The following CDKL4 variants were observed in gnomAD, a reference collection of about 807,000 sequenced individuals.
CDKL4 encodes the protein cyclin-dependent kinase-like 4.
A neutral mutation model predicts 42.0 loss-of-function variants in CDKL4; 44 were observed. The ratio of observed to expected loss-of-function variants is 1.05; its 90% CI spans 0.82 to 1.35. The LOEUF is 1.35. Ranked by LOEUF, CDKL4 falls within the 40% of genes most tolerant of loss-of-function variation. CDKL4 has a pLI of 0.00. For synonymous variants in CDKL4, 120 were observed against 121.6 expected (o/e 0.99, Z 0.09); for missense variants, 393 against 369.9 (o/e 1.06, Z -0.51).
At chr2:39,225,061 C>T (rs1466956510) in intron 3 of CDKL4, among the ~76,000 whole-genome samples, 1 of 152,110 alleles carries the variant, frequency 6.6e-6, no homozygotes, top group Non-Finnish European at 1.5e-5. Flanking sequence ...AGCTGACATC[C>T]TTGTCTTGTT....
the CDKL4 span, among the ~76,000 whole-genome samples, chr2:39,168,817 C>T: frequency 1.3e-5 from 2 of 150,136 alleles, no homozygotes; most frequent in Admixed American, 6.6e-5. Context: ...AGTGCAGTGG[C>T]GCAATCTCAG....
chr2:39,222,920 A>G (rs1443073197), intron 3 of CDKL4, among the ~76,000 whole-genome samples: 1 of 152,192 alleles, frequency 6.6e-6, no homozygotes, highest in African/African-American at 2.4e-5. Flanking sequence ...AGTGCAGGAT[A>G]AAGTTTAACT....
At chr2:39,212,187 T>C (rs1047913978) in intron 4 of CDKL4, among the ~76,000 whole-genome samples, 28 of 152,106 alleles carry the variant, frequency 1.8e-4, no homozygotes, top group African/African-American at 5.6e-4. Flanking sequence ...CCTTGTGATT[T>C]TGATGCATGC....
At chr2:39,206,678 T>A (rs985718140) in intron 4 of CDKL4, among the ~76,000 whole-genome samples, 1 of 152,216 alleles carries the variant, frequency 6.6e-6, no homozygotes, top group East Asian at 1.9e-4. Context: ...CACAGGGAAC[T>A]CTGTACTTTT....
upstream of CDKL4, among the ~76,000 whole-genome samples, chr2:39,244,025 G>A (rs1014759649): frequency 6.6e-6 from 1 of 152,224 alleles, no homozygotes; most frequent in African/African-American, 2.4e-5. Flanking sequence ...GGAACGCTAG[G>A]GCGCGCGGGG....
At chr2:39,242,252 C>T (rs1265932167) in intron 1 of CDKL4, among the ~76,000 whole-genome samples, 1 of 151,990 alleles carries the variant, frequency 6.6e-6, no homozygotes, top group Admixed American at 6.6e-5. Context: ...CATTATGTGG[C>T]CTAGGCTGAT....
At chr2:39,198,979 C>A (rs1185308981) in intron 5 of CDKL4, among the ~76,000 whole-genome samples, 1 of 151,804 alleles carries the variant, frequency 6.6e-6, no homozygotes, top group African/African-American at 2.4e-5. Flanking sequence ...AAAGAAATAA[C>A]CAAGATCAGA....
intron 6 of CDKL4, among the ~76,000 whole-genome samples, chr2:39,188,386 C>A (rs1031875431): frequency 2.0e-5 from 3 of 151,740 alleles, no homozygotes; most frequent in Non-Finnish European, 2.9e-5. Flanking sequence ...CATGGTGAAA[C>A]CCCGTCTCTA....
chr2:39,181,422 A>G (rs1019258747), intron 8 of CDKL4, among the ~76,000 whole-genome samples: 5 of 152,048 alleles, frequency 3.3e-5, no homozygotes, highest in African/African-American at 1.2e-4. Context: ...TTTACCAGAG[A>G]TTTCCACATC....
chr2:39,227,612 C>G (rs1452433519), intron 2 of CDKL4, among the ~76,000 whole-genome samples: 1 of 152,158 alleles, frequency 6.6e-6, no homozygotes, highest in Non-Finnish European at 1.5e-5. Flanking sequence ...AATTTGTTTT[C>G]TATGTGCTCC....
chr2:39,201,585 A>T lies in CDKL4; in HGVS notation c.454+2942T>A, dbSNP rs572822795. On this transcript the variant is annotated intron_variant, in intron 5 of 9. Coordinates refer to ENST00000451199, the Ensembl canonical transcript of CDKL4. ...AACCAGCCCAAATGTCCATCAATCA[A>T]CAAGTAGATAAAGAAAATGTGGTAT... Among the ~76,000 whole-genome samples the T allele has an allele frequency of 3.4e-4, 52 of 152,314 alleles. 1 individual carries two copies. The highest frequency in any genetic ancestry group is 1.2e-3 in the African/African-American group (49 of 41,558).
intron 6 of CDKL4, among the ~76,000 whole-genome samples, chr2:39,188,399 A>G (rs1358896795): frequency 1.3e-5 from 2 of 151,702 alleles, no homozygotes; most frequent in Non-Finnish European, 2.9e-5. Context: ...CGTCTCTACT[A>G]AAAATACAAA....
intron 2 of CDKL4, among the ~76,000 whole-genome samples, 158 bp downstream of exon 2, chr2:39,229,207 C>T (rs1390958036): frequency 6.6e-6 from 1 of 152,106 alleles, no homozygotes; most frequent in East Asian, 1.9e-4. Flanking sequence ...ATCAGAGTGG[C>T]CGAAGTCCAA....
intron 9 of CDKL4, among the ~76,000 whole-genome samples, chr2:39,177,104 C>T (rs901655564): frequency 6.6e-6 from 1 of 152,176 alleles, no homozygotes; most frequent in Non-Finnish European, 1.5e-5. Context: ...TCTCTAGGTG[C>T]ATGCTGCCCT....
chr2:39,181,669 C>T (rs1675445570), intron 8 of CDKL4, among the ~76,000 whole-genome samples: 1 of 152,160 alleles, frequency 6.6e-6, no homozygotes, highest in Non-Finnish European at 1.5e-5. Context: ...AACCCAATTA[C>T]AGTTGGTTTC....
chr2:39,240,618 G>A (rs1679613363), intron 1 of CDKL4, among the ~76,000 whole-genome samples: 1 of 148,256 alleles, frequency 6.7e-6, no homozygotes, highest in Admixed American at 6.8e-5. Flanking sequence ...GATTATCCAT[G>A]CAACGAAATA....
chr2:39,176,381 G>C (rs539133343), intron 9 of CDKL4, among the ~76,000 whole-genome samples: 98 of 152,232 alleles, frequency 6.4e-4, no homozygotes, highest in African/African-American at 2.3e-3. Flanking sequence ...ATGCCCATCA[G>C]CTACTATACA....
intron 1 of CDKL4, among the ~76,000 whole-genome samples, chr2:39,233,101 C>G (rs1488254312): frequency 7.8e-6 from 1 of 127,960 alleles, no homozygotes; most frequent in African/African-American, 2.8e-5. Context: ...AGCCTAAATT[C>G]TGGAGGGGTT....
intron 1 of CDKL4, 125 bp from the exon 2 acceptor site, chr2:39,229,713 A>AAATATTTGGAT: frequency 4.5e-6 from 2 of 448,198 alleles, no homozygotes; most frequent in Non-Finnish European, 7.8e-6. Flanking sequence ...ATCCACTTAA[A>AAATATTTGGAT]AATATTTGGA....
Sources: allele counts gnomAD v4.1 joint callset (sites outside exome capture counted in the v4.1 genomes callset), GRCh38; gene constraint gnomAD v4.1.1; transcripts MANE v1.5; gene names NCBI Gene and HGNC (gene_info 2026-07-23, HGNC 2026-07-21).